Variants in SLC39A4 observed in about 807,000 individuals in gnomAD.
SLC39A4 encodes the protein solute carrier family 39 member 4, also known as zinc transporter ZIP4.
A neutral mutation model predicts 56.6 loss-of-function variants in SLC39A4; 49 were observed. The observed-to-expected ratio is 0.87, with a 90% CI of 0.69 to 1.10. SLC39A4 has a LOEUF of 1.10. SLC39A4 is among the 50% of genes least tolerant of loss of function. SLC39A4 has a pLI of 0.00. For synonymous variants in SLC39A4, 540 were observed against 420.4 expected (o/e 1.28, Z -3.48); for missense variants, 993 against 864.2 (o/e 1.15, Z -1.87).
chr8:144,415,010 G>A lies in SLC39A4; in HGVS notation c.768C>T (p.Leu256=), dbSNP rs1437738395. Residue 256 remains leucine (L), a synonymous_variant, in exon 4 of 12, where the codon CTC becomes CTT. Coordinates refer to ENST00000301305, the MANE Select transcript of SLC39A4 (RefSeq NM_130849.4). ...CACTGGAGCTGTTGCTGGAGCTGAT[G>A]AGGGGCACAGGGTCCCGGCTGCTGG... ...RGASSRDPVP[L]ISSSNSSSVW... 1.2e-6 allele frequency: 2 copies of A among 1,612,030 alleles called. No homozygotes were observed. The highest frequency in any genetic ancestry group is 1.7e-6 in the Non-Finnish European group (2 of 1,179,956).
intron 9 of SLC39A4, 42 bp downstream of exon 9, chr8:144,413,471 C>T (rs1166250514): frequency 1.9e-6 from 3 of 1,563,856 alleles, no homozygotes; most frequent in Non-Finnish European, 2.6e-6. Context: ...CCACACAAAC[C>T]CCAGATCCCC....
Position 144,413,319 on chromosome 8 carries a change from C to A in SLC39A4, c.1545G>T (p.Val515=). ...AVHNFADGLA[V]GAAFASSWKT... ...TCCAGGAGGACGCGAAGGCGGCGCC[C>A]ACGGCCAGCCCGTCGGCGAAGTTGT... Residue 515 remains valine, a synonymous_variant, in exon 10 of 12, where the codon GTG becomes GTT. Transcript: ENST00000301305. 1.9e-6 allele frequency: 3 copies of A among 1,604,856 alleles called. No homozygotes were observed. The highest frequency in any genetic ancestry group is 2.5e-6 in the Non-Finnish European group (3 of 1,178,934).
rs982626726 is a variant in SLC39A4, at chr8:144,416,003, G to A, written c.281C>T (p.Ala94Val). ...CAGGACGGCGGCGGCACTGAGGCGG[G>A]CGACGTACCTGGCCTCCAGGACCGG... The part of the protein sequence containing the change: ...PGPVLEARYV[A>V]RLSAAAVLYL... The change falls in exon 2 of 12, where the codon GCC becomes GTC. Residue 94 changes from alanine (A) to valine (V), a missense_variant. Ala to Val is a moderately conservative substitution (Grantham distance 64, BLOSUM62 0). Coordinates refer to ENST00000301305, the MANE Select transcript of SLC39A4 (RefSeq NM_130849.4). 5.7e-6 allele frequency: 9 copies of A among 1,582,294 alleles called. No homozygotes were observed. Among genetic ancestry groups the A allele is most frequent in the South Asian group, 5.7e-5 (5 of 88,264 alleles).
intron 2 of SLC39A4, among the ~76,000 whole-genome samples, 178 bp from the exon 3 acceptor site, chr8:144,415,597 T>C (rs1431838087): frequency 3.9e-5 from 6 of 152,088 alleles, no homozygotes; most frequent in Non-Finnish European, 7.4e-5. Flanking sequence ...CTCAGGCCTC[T>C]GGGTTCCTCC....
Position 144,414,025 on chromosome 8 carries a change from A to G in SLC39A4, c.1220T>C (p.Leu407Pro), listed in dbSNP as rs1822040594. 1 of 1,595,810 alleles carries G rather than the reference A, an allele frequency of 6.3e-7. No homozygotes were observed. The highest frequency in any genetic ancestry group is 2.3e-5 in the East Asian group (1 of 43,908). ...CAGGAAGAAGGCGTAGAGCCCGGCC[A>G]GCATAGCCAGGAGGCGCCAGGTGGG... ...PQPTWRLLAM[L>P]AGLYAFFLFE... Residue 407 changes from leucine (L) to proline (P), a missense_variant, in exon 7 of 12, where the codon CTG becomes CCG. Physicochemically the swap from Leu to Pro is moderately conservative, Grantham distance 98. Transcript: ENST00000301305.
At position 144,414,433 on chromosome 8, in the gene SLC39A4, C is replaced by T. The variant is rs981954961; in HGVS notation, c.978G>A (p.Arg326=). The T allele has an allele frequency of 5.1e-6, 8 of 1,555,020 alleles. No individual in the cohort carries two copies. Among genetic ancestry groups the T allele is most frequent in the East Asian group, 4.8e-5 (2 of 41,750 alleles). ...PVQDQLSQSE[R]YLYGSLATLL... ...GCGTGGCCAGGGAGCCGTACAGATA[C>T]CCTGGGGGCGGGTGAGGCGGCTGTG... Residue 326 remains arginine, a splice_region_variant and synonymous_variant, in exon 6 of 12, where the codon AGG becomes AGA. Coordinates refer to ENST00000301305, the MANE Select transcript of SLC39A4 (RefSeq NM_130849.4).
Position 144,416,675 on chromosome 8 carries a change from G to C in SLC39A4, c.115C>G (p.Leu39Val). The C allele has an allele frequency of 6.2e-7, 1 of 1,611,846 alleles. No individual in the cohort carries two copies. Among genetic ancestry groups the C allele is most frequent in the Non-Finnish European group, 8.5e-7 (1 of 1,179,532 alleles). Residue 39 changes from leucine to valine, a missense_variant, in exon 1 of 12, where the codon CTG (leucine) becomes GTG (valine). By Grantham distance (32) the Leu-to-Val change is conservative. Coordinates refer to ENST00000301305, the MANE Select transcript of SLC39A4 (RefSeq NM_130849.4). The part of the protein sequence containing the change: ...LSLLTSGQGA[L>V]DQEALGGLLN... Reference sequence around the variant, plus strand: ...AGGCCGCCCAGAGCCTCTTGATCCAGAGCGCCCTGGCCAGAGGTGAGCAGG... The same window carrying C: ...AGGCCGCCCAGAGCCTCTTGATCCACAGCGCCCTGGCCAGAGGTGAGCAGG...
In SLC39A4 at chr8:144,416,060, C is replaced by A; in HGVS notation, c.224G>T (p.Gly75Val). 1 of 1,591,490 alleles carries A rather than the reference C, an allele frequency of 6.3e-7. No individual in the cohort carries two copies. The highest frequency in any genetic ancestry group is 8.5e-7 in the Non-Finnish European group (1 of 1,172,228). ...GGGCAGCCCTGACCCCTCAGGCTCG[C>A]CCAGGCCCAGGGCGTCCTCCACAGA... is the stretch of plus-strand genomic sequence containing the variant. ...CLSVEDALGL[G>V]EPEGSGLPPG... The change falls in exon 2 of 12, where the codon GGC (glycine) becomes GTC (valine). Residue 75 changes from glycine to valine, a missense_variant. Physicochemically the swap from Gly to Val is moderately radical, Grantham distance 109. Transcript: ENST00000301305.
chr8:144,413,052 G>C, intron 10 of SLC39A4, 106 bp from the exon 11 acceptor site: 3 of 1,496,608 alleles, frequency 2.0e-6, no homozygotes, highest in Non-Finnish European at 2.7e-6. Context: ...CCTGTTCCCG[G>C]TCTCCCCGCC....
chr8:144,415,195 T>G (rs781889015), intron 3 of SLC39A4, 32 bp downstream of exon 3: 1 of 1,611,996 alleles, frequency 6.2e-7, no homozygotes, highest in African/African-American at 1.3e-5. Context: ...GACTCGGGGG[T>G]GCCCCCCTCC....
In SLC39A4 at chr8:144,414,440, G is replaced by A. The variant is rs1822078448; in HGVS notation, c.977-6C>T. The A allele has an allele frequency of 1.9e-6, 3 of 1,551,862 alleles. No homozygotes were observed. The highest frequency in any genetic ancestry group is 2.4e-5 in the South Asian group (2 of 84,160). On this transcript the variant is annotated splice_region_variant and splice_polypyrimidine_tract_variant and intron_variant, in intron 5 of 11. Coordinates refer to ENST00000301305, the MANE Select transcript of SLC39A4 (RefSeq NM_130849.4). The stretch of plus-strand genomic sequence containing the variant: ...CAGGGAGCCGTACAGATACCCTGGG[G>A]GCGGGTGAGGCGGCTGTGAGAGCTT...
Position 144,414,981 on chromosome 8 carries a change from C to T in SLC39A4, c.797G>A (p.Trp266Ter). The change falls in exon 4 of 12, where the codon TGG (tryptophan) becomes TAG (stop). Residue 266 changes from tryptophan (W) to a stop codon, truncating the protein, a stop_gained. Coordinates refer to ENST00000301305, the MANE Select transcript of SLC39A4 (RefSeq NM_130849.4). LOFTEE classifies it high-confidence loss of function. ...LISSSNSSSVWDTVCLSARDV... is the reference protein window; with the variant it reads ...LISSSNSSSV ...CCCCAGGGCGCAGCTCACCGTGTCC[C>T]ACACACTGGAGCTGTTGCTGGAGCT... 11 of 1,612,686 alleles carry T rather than the reference C, an allele frequency of 6.8e-6. No individual in the cohort carries two copies. The highest frequency in any genetic ancestry group is 9.3e-6 in the Non-Finnish European group (11 of 1,179,960).
chr8:144,416,227 G>A (rs996848297), intron 1 of SLC39A4, 136 bp from the exon 2 acceptor site: 19 of 1,582,466 alleles, frequency 1.2e-5, no homozygotes, highest in East Asian at 6.8e-5. Flanking sequence ...AACCCCTGGC[G>A]CCCTTCCGTC....
rs372026116 is a variant in SLC39A4 at position 144,412,991 on chromosome 8, G to A, written c.1628-45C>T. 192 of 1,544,620 alleles carry A rather than the reference G, an allele frequency of 1.2e-4. No individual in the cohort carries two copies. The African/African-American group carries it at 2.5e-3, about 20-fold the overall frequency. The stretch of plus-strand genomic sequence containing the variant: ...AACAGCTCCGCCCTCCTAGCTACAT[G>A]CCCCGCCCACCTCCTTTCGGTCCCG... On this transcript the variant is annotated intron_variant, in intron 10 of 11. Transcript: ENST00000301305.
At chr8:144,416,504 C>A (rs1822205259) in intron 1 of SLC39A4, 94 bp downstream of exon 1, 19 of 1,502,384 alleles carry the variant, frequency 1.3e-5, no homozygotes, top group Non-Finnish European at 1.7e-5. Context: ...CCTCCGCCTC[C>A]TGGAGTTTGC....
At chr8:144,414,222 G>C in intron 6 of SLC39A4, 40 bp downstream of exon 6, 1 of 1,598,580 alleles carries the variant, frequency 6.3e-7, no homozygotes, top group East Asian at 2.3e-5. Context: ...GTCCATGGTG[G>C]GGAACGGAGG....
chr8:144,413,656 A>G, intron 8 of SLC39A4, 89 bp from the exon 9 acceptor site: 1 of 1,543,086 alleles, frequency 6.5e-7, no homozygotes. Context: ...CGGGAGGCGG[A>G]GCCGCAGGCC....
Position 144,416,815 on chromosome 8 carries a change from G to T in SLC39A4, c.-26C>A. The T allele has an allele frequency of 6.2e-7, 1 of 1,601,828 alleles. No homozygotes were observed. Among genetic ancestry groups the T allele is most frequent in the South Asian group, 1.1e-5 (1 of 89,470 alleles). On this transcript the variant is annotated 5_prime_UTR_variant, in exon 1 of 12. Transcript: ENST00000301305. ...ACTCAGCTCCCAGCGTGCTCAGTGGGTGTTGCTGTGGCCAAGGCCCAGTGC... is the reference window on the plus strand; with the variant it reads ...ACTCAGCTCCCAGCGTGCTCAGTGGTTGTTGCTGTGGCCAAGGCCCAGTGC...
At chr8:144,414,572 A>C in intron 5 of SLC39A4, 138 bp from the exon 6 acceptor site, 2 of 1,491,614 alleles carry the variant, frequency 1.3e-6, no homozygotes, top group Non-Finnish European at 1.8e-6. Flanking sequence ...TCAAAGCCCC[A>C]CTCTCCTGGC....
Sources: gnomAD v4.1 joint callset for allele counts (sites outside exome capture counted in the v4.1 genomes callset) on GRCh38, gnomAD v4.1.1 for gene constraint, MANE v1.5 for transcripts, NCBI Gene and HGNC (gene_info 2026-07-23, HGNC 2026-07-21) for gene names.